Variants in ANO3 observed in about 807,000 individuals in gnomAD.
ANO3 encodes the protein anoctamin-3.
A neutral mutation model predicts 144.8 loss-of-function variants in ANO3; 99 were observed. The observed-to-expected ratio is 0.68, with a 90% CI of 0.58 to 0.81. The LOEUF is 0.81. ANO3 is among the 30% of genes least tolerant of loss of function. ANO3 has a pLI of 0.00. For missense variants in ANO3, 905 were observed against 1,202.2 expected (o/e 0.75, Z 3.66); for synonymous variants, 414 against 392.6 (o/e 1.05, Z -0.64).
At chr11:26,370,370 G>A (rs1856215386) in intron 1 of ANO3, among the ~76,000 whole-genome samples, 1 of 152,118 alleles carries the variant, frequency 6.6e-6, no homozygotes, top group African/African-American at 2.4e-5. Flanking sequence ...CAGCCATGCT[G>A]AGTCAATTAA....
chr11:26,368,526 G>T (rs1856156872), intron 1 of ANO3, among the ~76,000 whole-genome samples: 1 of 152,086 alleles, frequency 6.6e-6, no homozygotes, highest in Admixed American at 6.6e-5. Flanking sequence ...TTTGACCAGT[G>T]CCATATGTGT....
At chr11:26,309,689 G>A in exon 1 of ANO3, 1 of 985,394 alleles carries the variant, frequency 1.0e-6, no homozygotes, top group Non-Finnish European at 1.2e-6. Context: ...TGAGAAGAGT[G>A]TGTGGGCTGC....
At chr11:26,473,679 C>T (rs1196598479) in intron 4 of ANO3, among the ~76,000 whole-genome samples, 1 of 151,842 alleles carries the variant, frequency 6.6e-6, no homozygotes, top group African/African-American at 2.4e-5. Flanking sequence ...TGTTAATCTG[C>T]CCAGCTCAAA....
chr11:26,628,383 G>T (rs1277997818), intron 18 of ANO3, among the ~76,000 whole-genome samples: 1 of 152,148 alleles, frequency 6.6e-6, no homozygotes, highest in Admixed American at 6.5e-5. Flanking sequence ...CTGGGTGACT[G>T]CATCTCATAA....
At chr11:26,230,212 A>G (rs896269486) in intron 1 of ANO3, among the ~76,000 whole-genome samples, 1 of 152,200 alleles carries the variant, frequency 6.6e-6, no homozygotes, top group Admixed American at 6.5e-5. Context: ...TGGAGCAGAC[A>G]GCAGAGGTGA....
chr11:26,544,273 T>TATATATATATATATATATACAC lies in ANO3; in HGVS notation c.1154+2206_1154+2207insTATATATATATATATATACACA. Reference sequence around the variant, plus strand: ...ATACATATATATATATATATATATATACACACATACACACACACACACACA... The same window carrying TATATATATATATATATATACAC: ...ATACATATATATATATATATATATATATATATATATATATATATACACACACACATACACACACACACACACA... On this transcript the variant is annotated intron_variant, in intron 11 of 26. Transcript: ENST00000256737. Among the ~76,000 whole-genome samples, 239 of 58,432 alleles carry TATATATATATATATATATACAC rather than the reference T, an allele frequency of 4.1e-3. 3 individuals are homozygous for TATATATATATATATATATACAC. The highest frequency in any genetic ancestry group is 0.011 in the Middle Eastern group (1 of 94). The allele number at this position is 58,432 out of a possible 152,430, so 38.3% of individuals were successfully genotyped here.
chr11:26,628,855 G>A (rs1852676351), intron 18 of ANO3, among the ~76,000 whole-genome samples: 1 of 152,134 alleles, frequency 6.6e-6, no homozygotes, highest in Non-Finnish European at 1.5e-5. Context: ...GGGATAGCTG[G>A]TGTCTTCAGC....
chr11:26,572,548 A>C (rs1850869527), intron 14 of ANO3, among the ~76,000 whole-genome samples: 3 of 152,046 alleles, frequency 2.0e-5, no homozygotes, highest in Non-Finnish European at 4.4e-5. Flanking sequence ...TGCCAGCCGC[A>C]CATTCTCTGA....
At chr11:26,547,269 G>T in intron 11 of ANO3, 147 bp from the exon 12 acceptor site, 1 of 714,146 alleles carries the variant, frequency 1.4e-6, no homozygotes, top group Non-Finnish European at 2.3e-6. Flanking sequence ...TTAACAAGCA[G>T]GAGTATTAGA....
chr11:26,393,870 T>C (rs1856940833), intron 1 of ANO3, among the ~76,000 whole-genome samples: 1 of 152,180 alleles, frequency 6.6e-6, no homozygotes, highest in South Asian at 2.1e-4. Flanking sequence ...CATTGAAATA[T>C]AAGGGATTAT....
intron 1 of ANO3, among the ~76,000 whole-genome samples, chr11:26,406,210 T>C (rs888573640): frequency 2.0e-5 from 3 of 151,896 alleles, no homozygotes; most frequent in African/African-American, 7.2e-5. Context: ...GGTATGGTCC[T>C]GTTTGCTATG....
In ANO3 at chr11:26,641,211, C is replaced by CA. The variant is rs1491402633; in HGVS notation, c.2142-684dup. On this transcript the variant is annotated intron_variant, in intron 21 of 26. Coordinates refer to ENST00000256737, the MANE Select transcript of ANO3 (RefSeq NM_031418.4). The stretch of plus-strand genomic sequence containing the variant: ...CCTTTTCAGGTGTGAGAAGCAGACT[C>CA]ACGGACACAGACTTATTGCCTAGTA... Among the ~76,000 whole-genome samples the CA allele has an allele frequency of 9.9e-5, 6 of 60,568 alleles. No individual in the cohort carries two copies. The East Asian group carries it at 2.8e-3, about 28-fold the overall frequency. The allele number at this position is 60,568 out of a possible 152,430, so 39.7% of individuals were successfully genotyped here.
chr11:26,221,981 C>A (rs1852154952), intron 1 of ANO3, among the ~76,000 whole-genome samples: 1 of 152,142 alleles, frequency 6.6e-6, no homozygotes, highest in Non-Finnish European at 1.5e-5. Flanking sequence ...TGCCCCTGAA[C>A]CCCTAAATTT....
chr11:26,657,821 G>C (rs1266989600), intron 26 of ANO3, among the ~76,000 whole-genome samples: 1 of 152,086 alleles, frequency 6.6e-6, no homozygotes, highest in African/African-American at 2.4e-5. Flanking sequence ...TCCACGTTTA[G>C]AACATTTTTT....
At chr11:26,653,347 CT>C (rs111440290) in intron 24 of ANO3, among the ~76,000 whole-genome samples, 28 of 151,716 alleles carry the variant, frequency 1.8e-4, no homozygotes, top group Admixed American at 3.9e-4. Flanking sequence ...GCCTTGAATA[CT>C]TTTTTTTTCC....
intron 1 of ANO3, among the ~76,000 whole-genome samples, chr11:26,256,028 A>G (rs1426201656): frequency 6.6e-6 from 1 of 152,124 alleles, no homozygotes; most frequent in Non-Finnish European, 1.5e-5. Flanking sequence ...GGTGATCAAT[A>G]TGAGGAGAAG....
At chr11:26,270,292 A>G (rs1422725391) in intron 1 of ANO3, among the ~76,000 whole-genome samples, 2 of 152,170 alleles carry the variant, frequency 1.3e-5, no homozygotes, top group Non-Finnish European at 2.9e-5. Context: ...TGAAGATAAT[A>G]TTTAAACTTC....
At chr11:26,249,898 A>G (rs1353708817) in intron 1 of ANO3, among the ~76,000 whole-genome samples, 1 of 152,190 alleles carries the variant, frequency 6.6e-6, no homozygotes, top group East Asian at 1.9e-4. Context: ...ACACTGTCGC[A>G]GGGATCTAGA....
chr11:26,592,533 C>A (rs1851483656), intron 14 of ANO3, among the ~76,000 whole-genome samples: 1 of 150,810 alleles, frequency 6.6e-6, no homozygotes, highest in South Asian at 2.1e-4. Context: ...GTGAAAGTAT[C>A]TACCCAGACT....
Sources: gnomAD v4.1 joint callset for allele counts (sites outside exome capture counted in the v4.1 genomes callset) on GRCh38, gnomAD v4.1.1 for gene constraint, MANE v1.5 for transcripts, NCBI Gene and HGNC (gene_info 2026-07-23, HGNC 2026-07-21) for gene names.